CACNA2D3: variants seen among roughly 807,000 people sequenced by gnomAD.
CACNA2D3 encodes the protein calcium voltage-gated channel auxiliary subunit alpha2delta 3.
CACNA2D3 carries 60 observed loss-of-function variants against 160.6 expected under a neutral mutation model. That is an observed-to-expected ratio of 0.37 (90% CI 0.30 to 0.46). The LOEUF (loss-of-function observed/expected upper bound fraction) is 0.46, where lower values mean the gene tolerates loss of function less well. Ranked by LOEUF, CACNA2D3 falls within the 20% of genes least tolerant of loss-of-function variation. The pLI is 1.00. For synonymous variants in CACNA2D3, 558 were observed against 492.9 expected, an observed-to-expected ratio of 1.13 and a Z score of -1.75; for missense variants, 1,205 against 1,365.0, an observed-to-expected ratio of 0.88 and a Z score of 1.85.
intron 13 of CACNA2D3, among the ~76,000 whole-genome samples, chr3:54,807,971 C>G (rs1234663290): frequency 2.8e-5 from 4 of 143,648 alleles, no homozygotes; most frequent in Admixed American, 7.2e-5. Context: ...AACCAAACAC[C>G]GCATATTCTC....
chr3:54,512,826 A>G (rs1701480887), intron 5 of CACNA2D3, among the ~76,000 whole-genome samples: 1 of 152,236 alleles, frequency 6.6e-6, no homozygotes, highest in South Asian at 2.1e-4. Flanking sequence ...TGATAAAGAC[A>G]TACCTGAGAC....
intron 14 of CACNA2D3, among the ~76,000 whole-genome samples, chr3:54,835,137 G>C (rs1171183920): frequency 6.6e-6 from 1 of 152,130 alleles, no homozygotes; most frequent in East Asian, 1.9e-4. Flanking sequence ...GACAGACCAG[G>C]AGATTCTTGC....
At chr3:55,053,630 T>C (rs1704287332) in intron 35 of CACNA2D3, among the ~76,000 whole-genome samples, 1 of 152,034 alleles carries the variant, frequency 6.6e-6, no homozygotes, top group African/African-American at 2.4e-5. Context: ...TATATTGAAT[T>C]TTATATCCTG....
At chr3:54,998,040 ATCTG>A (rs934511682) in intron 31 of CACNA2D3, among the ~76,000 whole-genome samples, 1 of 152,006 alleles carries the variant, frequency 6.6e-6, no homozygotes, top group African/African-American at 2.4e-5. Context: ...CTGTGACTTC[ATCTG>A]TCTGAGACTT....
At chr3:55,044,523 G>C (rs1173066558) in intron 35 of CACNA2D3, among the ~76,000 whole-genome samples, 4 of 151,904 alleles carry the variant, frequency 2.6e-5, no homozygotes, top group African/African-American at 4.8e-5. Context: ...TATGTAGACA[G>C]ATTATATCGT....
chr3:54,946,309 T>A (rs1224419738), intron 27 of CACNA2D3, among the ~76,000 whole-genome samples: 1 of 152,212 alleles, frequency 6.6e-6, no homozygotes, highest in East Asian at 1.9e-4. Flanking sequence ...GTACCCATCC[T>A]GTACATGTCT....
intron 29 of CACNA2D3, among the ~76,000 whole-genome samples, chr3:54,977,582 T>G (rs1702418496): frequency 6.6e-6 from 1 of 152,222 alleles, no homozygotes; most frequent in Non-Finnish European, 1.5e-5. Context: ...GTAGAGGTTA[T>G]GATGATTTGT....
At chr3:54,703,073 AT>A (rs1270607764) in intron 11 of CACNA2D3, among the ~76,000 whole-genome samples, 1 of 152,130 alleles carries the variant, frequency 6.6e-6, no homozygotes, top group Non-Finnish European at 1.5e-5. Context: ...ACCGGGGCTT[AT>A]ATGAGGGTGG....
chr3:54,501,723 C>G (rs1220271941), intron 4 of CACNA2D3, among the ~76,000 whole-genome samples: 1 of 152,080 alleles, frequency 6.6e-6, no homozygotes, highest in African/African-American at 2.4e-5. Flanking sequence ...CCTGGCCAAA[C>G]ATTCTTCCTG....
intron 5 of CACNA2D3, among the ~76,000 whole-genome samples, chr3:54,532,270 C>T (rs1701817585): frequency 6.6e-6 from 1 of 152,196 alleles, no homozygotes; most frequent in South Asian, 2.1e-4. Flanking sequence ...CCTGTGCTCA[C>T]AGAAACATGT....
chr3:54,177,852 A>G (rs978278977), intron 2 of CACNA2D3: 1 of 152,152 alleles, frequency 6.6e-6, no homozygotes, highest in Admixed American at 6.5e-5. Flanking sequence ...GTTCATGAGC[A>G]ATGTATACTC....
intron 35 of CACNA2D3, among the ~76,000 whole-genome samples, chr3:55,049,178 C>T (rs9682375): frequency 0.036 from 5,394 of 149,768 alleles, 288 homozygotes; most frequent in African/African-American, 0.12. Context: ...TTGTCTAGTT[C>T]TTCTAATTGT....
At chr3:54,660,320 C>G (rs901115586) in intron 11 of CACNA2D3, among the ~76,000 whole-genome samples, 1 of 152,034 alleles carries the variant, frequency 6.6e-6, no homozygotes, top group African/African-American at 2.4e-5. Flanking sequence ...ACCACCATGC[C>G]CGGCTAATTT....
rs181955082 is a variant in CACNA2D3, at chr3:54,652,334, C to T, written c.1167+10093C>T. On this transcript the variant is annotated intron_variant, in intron 11 of 37. Transcript: ENST00000474759. ...TGTCTCGCAGTCCATTGTAATGGAG[C>T]CCAGGAGTAGGGGGCTAAGACACCT... Among the ~76,000 whole-genome samples the T allele has an allele frequency of 3.4e-3, 519 of 152,188 alleles. 3 individuals are homozygous for T. Among genetic ancestry groups the T allele is most frequent in the African/African-American group, 0.012 (482 of 41,504 alleles).
At chr3:54,693,392 G>A (rs1700603280) in intron 11 of CACNA2D3, among the ~76,000 whole-genome samples, 2 of 152,296 alleles carry the variant, frequency 1.3e-5, no homozygotes, top group African/African-American at 4.8e-5. Flanking sequence ...CATTACTCAC[G>A]TGTTTGTGGT....
At chr3:54,404,695 C>T (rs935576467) in intron 4 of CACNA2D3, among the ~76,000 whole-genome samples, 2 of 152,000 alleles carry the variant, frequency 1.3e-5, no homozygotes, top group African/African-American at 2.4e-5. Context: ...AAAATTATCA[C>T]GAATTACAGA....
intron 4 of CACNA2D3, among the ~76,000 whole-genome samples, chr3:54,405,113 A>G (rs1699549972): frequency 6.6e-6 from 1 of 151,808 alleles, no homozygotes; most frequent in East Asian, 1.9e-4. Flanking sequence ...ACTATACTAT[A>G]CTATACTGTA....
At chr3:54,724,237 A>C (rs1701233268) in intron 11 of CACNA2D3, among the ~76,000 whole-genome samples, 1 of 152,152 alleles carries the variant, frequency 6.6e-6, no homozygotes, top group African/African-American at 2.4e-5. Context: ...ATATATATAC[A>C]CCCAATACAG....
chr3:54,555,759 G>A lies in CACNA2D3; in HGVS notation c.545-7041G>A, dbSNP rs77398804. 6.3e-3 allele frequency among the ~76,000 whole-genome samples: 962 copies of A among 152,296 alleles called. 12 individuals carry two copies. The highest frequency in any genetic ancestry group is 0.022 in the African/African-American group (904 of 41,552). Reference sequence around the variant, plus strand: ...TCCTGGATTACACATTGACCAATATGAATAATAAGTTAATGTGGATTGGAT... The same window carrying A: ...TCCTGGATTACACATTGACCAATATAAATAATAAGTTAATGTGGATTGGAT... On this transcript the variant is annotated intron_variant, in intron 5 of 37. Coordinates refer to ENST00000474759, the MANE Select transcript of CACNA2D3 (RefSeq NM_018398.3).
Sources: allele counts gnomAD v4.1 joint callset (sites outside exome capture counted in the v4.1 genomes callset), GRCh38; gene constraint gnomAD v4.1.1; transcripts MANE v1.5; gene names NCBI Gene and HGNC (gene_info 2026-07-23, HGNC 2026-07-21).